CFAP58: variants seen among roughly 807,000 people sequenced by gnomAD.
The protein encoded by CFAP58 is cilia and flagella associated protein 58.
In CFAP58, 88 loss-of-function variants were observed where a neutral mutation model predicts 119.5. The observed-to-expected ratio is 0.74, with a 90% CI of 0.62 to 0.88. The LOEUF is 0.88. CFAP58 is among the 40% of genes least tolerant of loss of function. CFAP58 has a pLI of 0.00. For synonymous variants in CFAP58, 365 were observed against 366.3 expected, an observed-to-expected ratio of 1.00 and a Z score of 0.04; for missense variants, 990 against 1,021.2, an observed-to-expected ratio of 0.97 and a Z score of 0.42.
At chr10:104,444,617 C>A (rs1453057897) in intron 15 of CFAP58, among the ~76,000 whole-genome samples, 1 of 152,212 alleles carries the variant, frequency 6.6e-6, no homozygotes, top group African/African-American at 2.4e-5. Context: ...ATTACTAGCA[C>A]ATTCTCCAAA....
intron 9 of CFAP58, among the ~76,000 whole-genome samples, chr10:104,391,312 C>A (rs2012035178): frequency 6.6e-6 from 1 of 152,098 alleles, no homozygotes; most frequent in South Asian, 2.1e-4. Flanking sequence ...TCATATGTGT[C>A]CCCTTTTCCT....
In CFAP58 at chr10:104,368,574, T is replaced by A; in HGVS notation, c.930+14T>A. 1 of 1,613,506 alleles carries A rather than the reference T, an allele frequency of 6.2e-7. No individual in the cohort carries two copies. Among genetic ancestry groups the A allele is most frequent in the Admixed American group, 1.7e-5 (1 of 59,944 alleles). ...TTGGAGCTCAAAGTAAACACCAAGT[T>A]ACATGTCTGTTCCCTAGCTCTTTCT... is the stretch of plus-strand genomic sequence containing the variant. On this transcript the variant is annotated intron_variant, in intron 6 of 17. Transcript: ENST00000369704.
chr10:104,386,628 A>T (rs923637982), intron 9 of CFAP58, among the ~76,000 whole-genome samples: 6 of 151,910 alleles, frequency 3.9e-5, no homozygotes, highest in Non-Finnish European at 8.8e-5. Context: ...TGTCTGCCTC[A>T]TTCTACACAC....
rs774441500 is a variant in CFAP58, at chr10:104,450,179, C to T, written c.2485C>T (p.Gln829Ter). ...LQNLKKKYLA[Q>*]KRKEQLQKNK... ...GAATTTAAAGAAGAAATACCTCGCT[C>T]AGAAACGTAAAGAACAACTTCAAAA... Residue 829 changes from glutamine to a stop codon, truncating the protein, a stop_gained, in exon 17 of 18, where the codon CAG (glutamine) becomes TAG (stop). Coordinates refer to ENST00000369704, the MANE Select transcript of CFAP58 (RefSeq NM_001008723.2). LOFTEE classifies it high-confidence loss of function. 1.2e-5 allele frequency: 20 copies of T among 1,613,032 alleles called. No individual in the cohort carries two copies. In the South Asian group the frequency reaches 1.7e-4, roughly 13 times the overall value.
intron 11 of CFAP58, 80 bp downstream of exon 11, chr10:104,393,555 CA>C: frequency 7.1e-7 from 1 of 1,409,472 alleles, no homozygotes; most frequent in Non-Finnish European, 9.6e-7. Flanking sequence ...TGAAGGCAGC[CA>C]GGGGCAGGGA....
rs780236532 is a variant in CFAP58 at position 104,447,762 on chromosome 10, C to A, written c.2321C>A (p.Ala774Glu). ...VLARQPGPEA[A>E]EQLKLYRRTL... The stretch of plus-strand genomic sequence containing the variant: ...GCCCGCCAGCCTGGACCTGAGGCTG[C>A]GGAACAGCTGAAGCTGTACCGACGC... The change falls in exon 16 of 18, where the codon GCG becomes GAG. Residue 774 changes from alanine to glutamate, a missense_variant. Coordinates refer to ENST00000369704, the MANE Select transcript of CFAP58 (RefSeq NM_001008723.2). 1.2e-6 allele frequency: 2 copies of A among 1,614,084 alleles called. No homozygotes were observed. The highest frequency in any genetic ancestry group is 1.7e-6 in the Non-Finnish European group (2 of 1,179,990).
rs2014674670 is a variant in CFAP58, at chr10:104,362,093, T to A, written c.362T>A (p.Leu121His). ...DKEQKAKETI[L>H]ALKEEIVNLT... ...GAGCAGAAGGCCAAGGAGACGATTC[T>A]TGCTCTGAAAGAGGAAATAGTGAAC... The change falls in exon 3 of 18, where the codon CTT (leucine) becomes CAT (histidine). Residue 121 changes from leucine (L) to histidine (H), a missense_variant. Transcript: ENST00000369704. 1 of 1,614,014 alleles carries A rather than the reference T, an allele frequency of 6.2e-7. No individual in the cohort carries two copies. Among genetic ancestry groups the A allele is most frequent in the African/African-American group, 1.3e-5 (1 of 74,936 alleles).
intron 15 of CFAP58, among the ~76,000 whole-genome samples, chr10:104,411,097 G>A (rs1038264379): frequency 5.3e-5 from 8 of 151,996 alleles, no homozygotes; most frequent in Middle Eastern, 3.4e-3. Flanking sequence ...CCACCACAAC[G>A]CCCAGCTAAT....
At chr10:104,451,945 G>C (rs940847566) in intron 17 of CFAP58, among the ~76,000 whole-genome samples, 2 of 151,284 alleles carry the variant, frequency 1.3e-5, no homozygotes, top group Non-Finnish European at 2.9e-5. Flanking sequence ...TGTCATGTTG[G>C]CCAGGCTGGT....
At chr10:104,437,149 T>C (rs769656122) in intron 15 of CFAP58, among the ~76,000 whole-genome samples, 41 of 152,164 alleles carry the variant, frequency 2.7e-4, no homozygotes, top group Middle Eastern at 3.2e-3. Context: ...ATCTGGAAAA[T>C]AGGGATAACA....
intron 15 of CFAP58, among the ~76,000 whole-genome samples, chr10:104,435,506 A>G (rs2012918750): frequency 6.6e-6 from 1 of 152,200 alleles, no homozygotes; most frequent in African/African-American, 2.4e-5. Flanking sequence ...AGATGAGTTA[A>G]CAATTCCAAC....
the CFAP58 span, among the ~76,000 whole-genome samples, chr10:104,345,189 G>T: frequency 6.6e-6 from 1 of 151,990 alleles, no homozygotes; most frequent in African/African-American, 2.4e-5. Flanking sequence ...TAATATAGCA[G>T]ATTTCATTTT....
chr10:104,408,159 T>C (rs1311326432), intron 15 of CFAP58, among the ~76,000 whole-genome samples: 1 of 152,214 alleles, frequency 6.6e-6, no homozygotes, highest in Non-Finnish European at 1.5e-5. Context: ...ATCATGACAC[T>C]GAATGGCCAA....
chr10:104,346,730 G>T, the CFAP58 span, among the ~76,000 whole-genome samples: 7 of 147,166 alleles, frequency 4.8e-5, no homozygotes, highest in Admixed American at 4.8e-4. Context: ...CCGCCTCCTG[G>T]GTTCAAGTGA....
intron 15 of CFAP58, among the ~76,000 whole-genome samples, chr10:104,429,947 C>T (rs2012816566): frequency 6.6e-6 from 1 of 152,008 alleles, no homozygotes; most frequent in Non-Finnish European, 1.5e-5. Context: ...AGCCCCTCCT[C>T]CCACTCGGGG....
chr10:104,408,666 C>T (rs889405985), intron 15 of CFAP58, among the ~76,000 whole-genome samples: 2 of 152,174 alleles, frequency 1.3e-5, no homozygotes, highest in African/African-American at 4.8e-5. Flanking sequence ...TCATGGACTG[C>T]TCTAACTTTA....
At chr10:104,411,725 A>G (rs751749513) in intron 15 of CFAP58, among the ~76,000 whole-genome samples, 1 of 152,056 alleles carries the variant, frequency 6.6e-6, no homozygotes, top group South Asian at 2.1e-4. Flanking sequence ...CTCTTGTGAC[A>G]GAAGATGAAT....
At chr10:104,440,482 C>G (rs918457088) in intron 15 of CFAP58, among the ~76,000 whole-genome samples, 13 of 152,158 alleles carry the variant, frequency 8.5e-5, no homozygotes, top group Non-Finnish European at 7.4e-5. Context: ...ATCCAATGAT[C>G]TAGCTTCAAG....
At chr10:104,409,692 C>T (rs1174100940) in intron 15 of CFAP58, among the ~76,000 whole-genome samples, 1 of 151,994 alleles carries the variant, frequency 6.6e-6, no homozygotes, top group Non-Finnish European at 1.5e-5. Flanking sequence ...TTGAATTGCT[C>T]CTTTCGTATT....
Sources: gnomAD v4.1 joint callset for allele counts (sites outside exome capture counted in the v4.1 genomes callset) on GRCh38, gnomAD v4.1.1 for gene constraint, MANE v1.5 for transcripts, NCBI Gene and HGNC (gene_info 2026-07-23, HGNC 2026-07-21) for gene names.